Variants in GOLGB1 observed in about 807,000 individuals in gnomAD.
GOLGB1 encodes the protein golgin subfamily B member 1.
GOLGB1 carries 174 observed loss-of-function variants against 336.9 expected under a neutral mutation model. The observed-to-expected ratio is 0.52, with a 90% CI of 0.46 to 0.59. The LOEUF (loss-of-function observed/expected upper bound fraction) is 0.59, where lower values mean the gene tolerates loss of function less well. GOLGB1 is among the 20% of genes least tolerant of loss of function. GOLGB1 has a pLI of 0.00. For synonymous variants in GOLGB1, 1,208 were observed against 1,289.2 expected (o/e 0.94, Z 1.35); for missense variants, 3,331 against 3,645.3 (o/e 0.91, Z 2.22).
At chr3:121,685,947 C>T (rs1236979118) in intron 14 of GOLGB1, among the ~76,000 whole-genome samples, 1 of 152,144 alleles carries the variant, frequency 6.6e-6, no homozygotes, top group African/African-American at 2.4e-5. Flanking sequence ...AGTCTAGATA[C>T]TAGACTAGAG....
rs756819582 is a variant in GOLGB1, at chr3:121,718,412, C to T, written c.861G>A (p.Leu287=). Residue 287 remains leucine (L), a synonymous_variant, in exon 8 of 22, where the codon CTG becomes CTA. Transcript: ENST00000614479. The stretch of plus-strand genomic sequence containing the variant: ...CCTGGTTTCTCTGCTCAGCAGCAGT[C>T]AGCTCCTGTTGCAGCAAGTCAACGA... The part of the protein sequence containing the change: ...AQVVDLLQQE[L]TAAEQRNQIL... 26 of 1,610,606 alleles carry T rather than the reference C, an allele frequency of 1.6e-5. No individual in the cohort carries two copies. In the South Asian group the frequency reaches 2.6e-4, roughly 16 times the overall value.
rs376230877 is a variant in GOLGB1, at chr3:121,670,477, T to C, written c.9178-1122A>G. Among the ~76,000 whole-genome samples the C allele has an allele frequency of 4.6e-5, 7 of 152,322 alleles. 1 individual carries two copies. In the East Asian group the frequency reaches 5.8e-4, roughly 13 times the overall value. ...GATAATCCATACATACTTGTAAAAG[T>C]GCTCTGTTAGCTGAAAATTGCTCTT... On this transcript the variant is annotated intron_variant, in intron 17 of 21. Transcript: ENST00000614479.
At position 121,697,478 on chromosome 3, in the gene GOLGB1, A is replaced by G; in HGVS notation, c.3045T>C (p.Ser1015=). The change falls in exon 13 of 22, where the codon AGT becomes AGC. Residue 1015 remains serine, a synonymous_variant. Coordinates refer to ENST00000614479, the MANE Select transcript of GOLGB1 (RefSeq NM_001366282.2). ...AGTTGGCTAATTCTTCTTCCAATCT[A>G]CTGACTCTTTGCAGAAGCTCCTTTC... The part of the protein sequence containing the change: ...INRKELLQRV[S]RLEEELANLK... The G allele has an allele frequency of 6.2e-7, 1 of 1,611,764 alleles. No homozygotes were observed. The highest frequency in any genetic ancestry group is 8.5e-7 in the Non-Finnish European group (1 of 1,179,584).
intron 9 of GOLGB1, among the ~76,000 whole-genome samples, chr3:121,716,518 C>T (rs1944785136): frequency 6.6e-6 from 1 of 152,156 alleles, no homozygotes; most frequent in Admixed American, 6.6e-5. Flanking sequence ...ATCACTATCA[C>T]ATTTTTAGTA....
intron 1 of GOLGB1, among the ~76,000 whole-genome samples, chr3:121,740,787 G>A (rs1392641902): frequency 6.6e-6 from 1 of 152,020 alleles, no homozygotes; most frequent in African/African-American, 2.4e-5. Context: ...GCAAAGCAAA[G>A]AAACAGCACA....
intron 10 of GOLGB1, among the ~76,000 whole-genome samples, chr3:121,703,844 T>C (rs1465824627): frequency 6.6e-6 from 1 of 152,122 alleles, no homozygotes; most frequent in African/African-American, 2.4e-5. Context: ...ATTTTGTAAG[T>C]AGCAAACAAG....
At chr3:121,672,387 T>C (rs944734724) in intron 17 of GOLGB1, among the ~76,000 whole-genome samples, 16 of 152,234 alleles carry the variant, frequency 1.1e-4, no homozygotes, top group African/African-American at 3.6e-4. Flanking sequence ...TTAGGGATGC[T>C]GAGTATTTTT....
chr3:121,696,576 AGCTG>A lies in GOLGB1; in HGVS notation c.3943_3946del (p.Gln1315Ter). 1 of 1,614,146 alleles carries A rather than the reference AGCTG, an allele frequency of 6.2e-7. No homozygotes were observed. The highest frequency in any genetic ancestry group is 8.5e-7 in the Non-Finnish European group (1 of 1,180,008). On this transcript the variant is annotated frameshift_variant, in exon 13 of 22. Transcript: ENST00000614479. LOFTEE classifies it high-confidence loss of function. The stretch of plus-strand genomic sequence containing the variant: ...TACTTTCTCAGCCTCTATTTCCTTC[AGCTG>A]GGCCTTAATCTGGGCAACAGAAGTT...
At chr3:121,730,492 G>A (rs940063128) in intron 2 of GOLGB1, among the ~76,000 whole-genome samples, 8 of 152,072 alleles carry the variant, frequency 5.3e-5, no homozygotes, top group East Asian at 3.8e-4. Context: ...AGGAGAAGTG[G>A]TAAATGAAAT....
intron 10 of GOLGB1, among the ~76,000 whole-genome samples, chr3:121,706,750 A>AAC (rs1439327490): frequency 1.2e-4 from 18 of 149,112 alleles, no homozygotes; most frequent in African/African-American, 4.2e-4. Context: ...AAAAAAAAAA[A>AAC]AAAAAAAAAC....
rs1472654507 is a variant in GOLGB1, at chr3:121,691,853, T to G, written c.7511A>C (p.Gln2504Pro). 13 of 1,613,232 alleles carry G rather than the reference T, an allele frequency of 8.1e-6. No homozygotes were observed. The Admixed American group carries it at 2.2e-4, about 27-fold the overall frequency. ...CTTATTATTCTCTGCAGCAGCCTCTTGGATGAGTTGGTCTTTTTCCAAGAT... is the reference window on the plus strand; with the variant it reads ...CTTATTATTCTCTGCAGCAGCCTCTGGGATGAGTTGGTCTTTTTCCAAGAT... ...SIILEKDQLI[Q>P]EAAAENNKLK... is the part of the protein sequence containing the mutation. Residue 2504 changes from glutamine to proline, a missense_variant, in exon 14 of 22, where the codon CAA (glutamine) becomes CCA (proline). Transcript: ENST00000614479.
Position 121,695,084 on chromosome 3 carries a change from T to A in GOLGB1, c.5439A>T (p.Arg1813Ser). 6.2e-7 allele frequency: 1 copy of A among 1,614,046 alleles called. No individual in the cohort carries two copies. Among genetic ancestry groups the A allele is most frequent in the Non-Finnish European group, 8.5e-7 (1 of 1,179,994 alleles). Residue 1813 changes from arginine to serine, a missense_variant, in exon 13 of 22, where the codon AGA (arginine) becomes AGT (serine). By Grantham distance (110) the Arg-to-Ser change is moderately radical. Transcript: ENST00000614479. ...EEQDSLSMST[R>S]PTCSESVPSA... ...ATGGAACCGATTCTGAACATGTAGGTCTTGTGCTCATACTCAGAGAGTCTT... is the reference window on the plus strand; with the variant it reads ...ATGGAACCGATTCTGAACATGTAGGACTTGTGCTCATACTCAGAGAGTCTT...
chr3:121,744,531 A>G (rs529338204), intron 1 of GOLGB1, among the ~76,000 whole-genome samples: 1 of 150,896 alleles, frequency 6.6e-6, no homozygotes, highest in Non-Finnish European at 1.5e-5. Context: ...AGGCAGGAGG[A>G]TCACTTGAGC....
chr3:121,706,611 G>C (rs1158955297), intron 10 of GOLGB1, among the ~76,000 whole-genome samples: 2 of 151,526 alleles, frequency 1.3e-5, no homozygotes, highest in Non-Finnish European at 2.9e-5. Flanking sequence ...GCGGTTGCCT[G>C]TAATCCAAGC....
chr3:121,665,226 A>G (rs755478743), intron 20 of GOLGB1, among the ~76,000 whole-genome samples, 195 bp from the exon 21 acceptor site: 21 of 152,218 alleles, frequency 1.4e-4, no homozygotes, highest in African/African-American at 4.8e-5. Flanking sequence ...AAATGTGACA[A>G]TAACTATCAG....
rs1395693446 is a variant in GOLGB1, at chr3:121,691,711, T to C, written c.7653A>G (p.Ile2551Met). The change falls in exon 14 of 22, where the codon ATA (isoleucine) becomes ATG (methionine). Residue 2551 changes from isoleucine to methionine, a missense_variant. By Grantham distance (10) the Ile-to-Met change is conservative. Transcript: ENST00000614479. The stretch of plus-strand genomic sequence containing the variant: ...GAAGCTGCTTTTGTTGGCTGTCCTT[T>C]ATTGTTATCACTTGGTTCAGGTCTT... ...YREDLNQVIT[I>M]KDSQQKQLLE... 1 of 1,612,666 alleles carries C rather than the reference T, an allele frequency of 6.2e-7. No homozygotes were observed. Among genetic ancestry groups the C allele is most frequent in the Non-Finnish European group, 8.5e-7 (1 of 1,179,744 alleles).
At chr3:121,679,050 T>C (rs1940758695) in intron 15 of GOLGB1, among the ~76,000 whole-genome samples, 1 of 152,226 alleles carries the variant, frequency 6.6e-6, no homozygotes. Context: ...GATAGCATTA[T>C]TATTGTTCTG....
In GOLGB1 at chr3:121,696,785, C is replaced by T; in HGVS notation, c.3738G>A (p.Arg1246=). The T allele has an allele frequency of 4.3e-6, 7 of 1,614,070 alleles. No homozygotes were observed. Among genetic ancestry groups the T allele is most frequent in the Non-Finnish European group, 5.9e-6 (7 of 1,179,972 alleles). ...DQLRQLQIQV[R]ESIDGKLPST... ...TTGGGAGTTTTCCGTCTATGGATTC[C>T]CTTACTTGAATCTGGAGTTGCCTTA... The change falls in exon 13 of 22, where the codon AGG becomes AGA. Residue 1246 remains arginine, a synonymous_variant. Coordinates refer to ENST00000614479, the MANE Select transcript of GOLGB1 (RefSeq NM_001366282.2).
chr3:121,702,994 G>C (rs1372949236), intron 10 of GOLGB1, among the ~76,000 whole-genome samples: 1 of 152,158 alleles, frequency 6.6e-6, no homozygotes, highest in African/African-American at 2.4e-5. Context: ...GTTCCACAAA[G>C]AGGAATAGAG....
Sources: allele counts gnomAD v4.1 joint callset (sites outside exome capture counted in the v4.1 genomes callset), GRCh38; gene constraint gnomAD v4.1.1; transcripts MANE v1.5; gene names NCBI Gene and HGNC (gene_info 2026-07-23, HGNC 2026-07-21).